The following RRBP1 variants were observed in gnomAD, a reference collection of about 807,000 sequenced individuals.
RRBP1 encodes the protein ribosome binding protein 1, also known as ribosome-binding protein 1.
In RRBP1, 94 loss-of-function variants were observed where a neutral mutation model predicts 165.2. The ratio of observed to expected loss-of-function variants is 0.57; its 90% confidence interval spans 0.48 to 0.68. The LOEUF is 0.68. Among genes scored for constraint, RRBP1 ranks in the 30% least tolerant of loss-of-function variants. The pLI is 0.00. For missense variants in RRBP1, 1,676 were observed against 1,763.0 expected (o/e 0.95, Z 0.88); for synonymous variants, 680 against 714.5 (o/e 0.95, Z 0.77).
chr20:17,658,727 G>A lies in RRBP1; in HGVS notation c.1781C>T (p.Ala594Val), dbSNP rs753535531. 6.2e-7 allele frequency: 1 copy of A among 1,614,186 alleles called. No individual in the cohort carries two copies. The highest frequency in any genetic ancestry group is 1.1e-5 in the South Asian group (1 of 91,084). ...TGACTCTGTCTTTTTACCCTGATTG[G>A]CAGCTGCGTCTGCCTTTTTGCCTTG... ...PNQGKKADAAANQGKKTESAS... is the reference protein window; with the variant it reads ...PNQGKKADAAVNQGKKTESAS... The change falls in exon 3 of 25, where the codon GCC (alanine) becomes GTC (valine). Residue 594 changes from alanine (A) to valine (V), a missense_variant. Physicochemically the swap from Ala to Val is moderately conservative, Grantham distance 64. Coordinates refer to ENST00000377813, the MANE Select transcript of RRBP1 (RefSeq NM_001365613.2).
intron 2 of RRBP1, among the ~76,000 whole-genome samples, chr20:17,665,772 TA>T (rs1436705245): frequency 1.3e-5 from 2 of 152,246 alleles, no homozygotes; most frequent in Non-Finnish European, 2.9e-5. Flanking sequence ...TTCCTGGAGA[TA>T]ACCATTGTGA....
chr20:17,626,907 C>T (rs1167318174), intron 11 of RRBP1, among the ~76,000 whole-genome samples: 2 of 152,238 alleles, frequency 1.3e-5, no homozygotes, highest in Non-Finnish European at 2.9e-5. Context: ...CCAGCTCTGC[C>T]CCGACGCCTC....
intron 9 of RRBP1, among the ~76,000 whole-genome samples, chr20:17,629,173 T>C (rs746454783): frequency 1.9e-4 from 29 of 152,332 alleles, no homozygotes; most frequent in Non-Finnish European, 3.8e-4. Context: ...GACTCTGTCG[T>C]GTAACCCCCA....
chr20:17,681,470 G>A (rs2037185999), intron 1 of RRBP1, among the ~76,000 whole-genome samples: 1 of 147,676 alleles, frequency 6.8e-6, no homozygotes, highest in African/African-American at 2.5e-5. Context: ...CCGCGGCCCG[G>A]GACCGGCGCG....
At chr20:17,652,875 A>G (rs374409190) in intron 3 of RRBP1, among the ~76,000 whole-genome samples, 1 of 152,248 alleles carries the variant, frequency 6.6e-6, no homozygotes, top group East Asian at 1.9e-4. Context: ...ATTCTGGAAC[A>G]TGAAAACTCC....
At chr20:17,649,062 C>G (rs1239394528) in intron 3 of RRBP1, among the ~76,000 whole-genome samples, 3 of 152,094 alleles carry the variant, frequency 2.0e-5, no homozygotes, top group African/African-American at 7.2e-5. Flanking sequence ...TGATACTTGG[C>G]TCGCTTCCCT....
intron 5 of RRBP1, 104 bp from the exon 6 acceptor site, chr20:17,636,833 G>A (rs368272122): frequency 4.3e-6 from 6 of 1,399,122 alleles, no homozygotes; most frequent in Admixed American, 1.9e-5. Context: ...GGAGAGCAGA[G>A]CACAGACCCC....
At position 17,660,239 on chromosome 20, in the gene RRBP1, G is replaced by C; in HGVS notation, c.269C>G (p.Pro90Arg). 6.2e-7 allele frequency: 1 copy of C among 1,612,472 alleles called. No individual in the cohort carries two copies. The highest frequency in any genetic ancestry group is 8.5e-7 in the Non-Finnish European group (1 of 1,179,138). The change falls in exon 3 of 25, where the codon CCC becomes CGC. Residue 90 changes from proline (P) to arginine (R), a missense_variant. Physicochemically the swap from Pro to Arg is moderately radical, Grantham distance 103 (BLOSUM62 -2). Transcript: ENST00000377813. Reference sequence around the variant, plus strand: ...TTCTCGAAGGAGGACAGTCACATTGGGGGCTGGATCATGATCAGGTATCTT... The same window carrying C: ...TTCTCGAAGGAGGACAGTCACATTGCGGGCTGGATCATGATCAGGTATCTT... ...NGKIPDHDPAPNVTVLLREPV... is the reference protein window; with the variant it reads ...NGKIPDHDPARNVTVLLREPV...
chr20:17,641,024 C>T (rs186487766), intron 5 of RRBP1, among the ~76,000 whole-genome samples: 57 of 152,298 alleles, frequency 3.7e-4, no homozygotes, highest in African/African-American at 9.4e-4. Context: ...GGGGCAAAGA[C>T]GGCTTTCAAC....
chr20:17,671,866 C>T (rs569420869), intron 2 of RRBP1, among the ~76,000 whole-genome samples: 1 of 152,290 alleles, frequency 6.6e-6, no homozygotes, highest in South Asian at 2.1e-4. Flanking sequence ...TTGTCCAGGC[C>T]ATCCAGCAAG....
At chr20:17,675,203 T>G (rs1349981668) in intron 2 of RRBP1, among the ~76,000 whole-genome samples, 1 of 152,250 alleles carries the variant, frequency 6.6e-6, no homozygotes, top group East Asian at 1.9e-4. Context: ...TGACTGTCAA[T>G]TTCTCAACTG....
At position 17,641,294 on chromosome 20, in the gene RRBP1, G is replaced by T. The variant is rs1019288981; in HGVS notation, c.2184+503C>A. On this transcript the variant is annotated intron_variant, in intron 5 of 24. Transcript: ENST00000377813. ...TACGTGCCACGCCATCCGCTGATAC[G>T]GGGAGCCAGGGTTTCCCTGCACATC... 5.3e-5 allele frequency among the ~76,000 whole-genome samples: 8 copies of T among 152,178 alleles called. No homozygotes were observed. In the East Asian group the frequency reaches 1.5e-3, roughly 29 times the overall value.
At chr20:17,664,014 C>T (rs376724709) in intron 2 of RRBP1, among the ~76,000 whole-genome samples, 4 of 152,300 alleles carry the variant, frequency 2.6e-5, no homozygotes, top group African/African-American at 9.6e-5. Context: ...ATACTGAATC[C>T]TATATACACT....
In RRBP1 at chr20:17,618,944, G is replaced by A. The variant is rs2035855131; in HGVS notation, c.3676-265C>T. Reference sequence around the variant, plus strand: ...TACTGATTATCTCTGGCAAAAAAGGGCCAAAAGTTGGAGATGATTTTTTTT... The same window carrying A: ...TACTGATTATCTCTGGCAAAAAAGGACCAAAAGTTGGAGATGATTTTTTTT... On this transcript the variant is annotated intron_variant, in intron 19 of 24. Coordinates refer to ENST00000377813, the MANE Select transcript of RRBP1 (RefSeq NM_001365613.2). The A allele has an allele frequency of 4.4e-5, 20 of 457,028 alleles. No homozygotes were observed. The East Asian group carries it at 7.7e-4, about 18-fold the overall frequency. The allele number at this position is 457,028 out of a possible 1,614,324, so 28.3% of individuals were successfully genotyped here. A position where few individuals can be genotyped will look rare whatever the true frequency, so the allele number is the denominator to read the frequency against.
chr20:17,636,939 G>A (rs190960249), intron 5 of RRBP1, among the ~76,000 whole-genome samples: 59 of 152,352 alleles, frequency 3.9e-4, no homozygotes, highest in African/African-American at 1.1e-3. Context: ...GGCCCTGGCC[G>A]GTTGTGGGCT....
intron 21 of RRBP1, 140 bp downstream of exon 21, chr20:17,616,592 C>G: frequency 1.6e-6 from 1 of 612,362 alleles, no homozygotes; most frequent in Admixed American, 3.1e-5. Context: ...CTGGATGATC[C>G]AAATGGGGCA....
chr20:17,614,558 CCCT>C (rs1432003083), intron 24 of RRBP1, among the ~76,000 whole-genome samples, 176 bp downstream of exon 24: 2 of 152,166 alleles, frequency 1.3e-5, no homozygotes, highest in Non-Finnish European at 2.9e-5. Context: ...TGGGCTGAAG[CCCT>C]CGTTAGGAAG....
chr20:17,659,935 T>C lies in RRBP1; in HGVS notation c.573A>G (p.Thr191=), dbSNP rs751812586. The change falls in exon 3 of 25, where the codon ACA becomes ACG. Residue 191 remains threonine, a synonymous_variant. Transcript: ENST00000377813. ...TGCCCTGAGTAGTGCCAGTGGCTGG[T>C]GTGTTGCCCTTGGCACCCACTGGGG... ...VVPPVGAKGN[T]PATGTTQGKK... is the part of the protein sequence containing the mutation. 1.3e-6 allele frequency: 2 copies of C among 1,573,164 alleles called. No homozygotes were observed. The highest frequency in any genetic ancestry group is 1.9e-5 in the Admixed American group (1 of 53,856).
At chr20:17,621,584 C>A in intron 15 of RRBP1, 37 bp from the exon 16 acceptor site, 1 of 1,594,588 alleles carries the variant, frequency 6.3e-7, no homozygotes, top group Non-Finnish European at 8.6e-7. Flanking sequence ...GTTAGCCACA[C>A]ACAAAGGTTC....
Sources: gnomAD v4.1 joint callset for allele counts (sites outside exome capture counted in the v4.1 genomes callset) on GRCh38, gnomAD v4.1.1 for gene constraint, MANE v1.5 for transcripts, NCBI Gene and HGNC (gene_info 2026-07-23, HGNC 2026-07-21) for gene names.